DACH2: variants seen among roughly 807,000 people sequenced by gnomAD.
DACH2 encodes dachshund homolog 2.
DACH2 carries 17 observed loss-of-function variants against 35.8 expected under a neutral mutation model. The ratio of observed to expected loss-of-function variants is 0.48; its 90% CI spans 0.33 to 0.71. The LOEUF (loss-of-function observed/expected upper bound fraction) is 0.71, where lower values mean the gene tolerates loss of function less well. Ranked by LOEUF, DACH2 falls within the 30% of genes least tolerant of loss-of-function variation. DACH2 has a pLI of 0.02. For synonymous variants in DACH2, 195 were observed against 177.3 expected (o/e 1.10, Z -0.79); for missense variants, 469 against 472.7 (o/e 0.99, Z 0.07).
intron 6 of DACH2, among the ~76,000 whole-genome samples, chrX:86,726,597 T>C: frequency 8.9e-6 from 1 of 111,742 alleles, no homozygotes; most frequent in East Asian, 2.9e-4. Flanking sequence ...AGATCCTTGG[T>C]ATCTAGGCTC....
intron 2 of DACH2, among the ~76,000 whole-genome samples, chrX:86,400,947 C>G (rs1366313631): frequency 2.7e-5 from 3 of 112,453 alleles, no homozygotes; most frequent in Non-Finnish European, 5.6e-5. Flanking sequence ...TTATTACTGT[C>G]TTTTGTTTGT....
chrX:86,719,219 TTC>T (rs1215311054), intron 6 of DACH2, among the ~76,000 whole-genome samples: 2 of 112,411 alleles, frequency 1.8e-5, no homozygotes, highest in Non-Finnish European at 3.8e-5. Context: ...TAGTTTATTT[TTC>T]ACTAGCTGTT....
At chrX:86,759,479 T>A (rs1339705600) in intron 7 of DACH2, among the ~76,000 whole-genome samples, 1 of 111,452 alleles carries the variant, frequency 9.0e-6, no homozygotes, top group African/African-American at 3.3e-5. Context: ...AATATCTTTT[T>A]CCATCACTTT....
At chrX:86,329,651 G>A (rs1005884576) in intron 1 of DACH2, among the ~76,000 whole-genome samples, 1 of 111,488 alleles carries the variant, frequency 9.0e-6, no homozygotes, top group African/African-American at 3.3e-5. Flanking sequence ...TAGGGGTTGT[G>A]TAAGTCTGTG....
intron 3 of DACH2, among the ~76,000 whole-genome samples, chrX:86,594,721 A>G (rs1033015362): frequency 9.0e-6 from 1 of 111,692 alleles, no homozygotes. Context: ...TAAATAATCC[A>G]TGTAAGTTTA....
chrX:86,506,707 T>G (rs1424564205), intron 2 of DACH2, among the ~76,000 whole-genome samples: 1 of 111,938 alleles, frequency 8.9e-6, no homozygotes, highest in African/African-American at 3.2e-5. Context: ...CTCTCCACTT[T>G]TAAAGGGCTT....
At chrX:86,315,228 A>G (rs891709828) in intron 1 of DACH2, among the ~76,000 whole-genome samples, 1 of 112,370 alleles carries the variant, frequency 8.9e-6, no homozygotes, top group African/African-American at 3.2e-5. Flanking sequence ...CAAATGGCAC[A>G]AAACTTGGAC....
intron 2 of DACH2, among the ~76,000 whole-genome samples, chrX:86,455,211 G>T (rs752394494): frequency 9.0e-6 from 1 of 110,963 alleles, no homozygotes; most frequent in Admixed American, 9.6e-5. Context: ...ACTTGTAGGA[G>T]GTGCCTGGAG....
intron 1 of DACH2, among the ~76,000 whole-genome samples, chrX:86,341,477 G>A (rs963017075): frequency 8.9e-6 from 1 of 111,972 alleles, no homozygotes; most frequent in African/African-American, 3.2e-5. Context: ...ATATATTACT[G>A]TTCATTGACA....
At chrX:86,485,930 A>C (rs760075226) in intron 2 of DACH2, among the ~76,000 whole-genome samples, 1 of 111,967 alleles carries the variant, frequency 8.9e-6, no homozygotes, top group Non-Finnish European at 1.9e-5. Context: ...CATAGTTCTT[A>C]AATGCCAGCT....
At chrX:86,153,300 A>G (rs1407363863) in intron 1 of DACH2, among the ~76,000 whole-genome samples, 2 of 111,781 alleles carry the variant, frequency 1.8e-5, no homozygotes, top group Non-Finnish European at 3.8e-5. Context: ...TTTTGATAGT[A>G]TATAAACAGA....
intron 2 of DACH2, among the ~76,000 whole-genome samples, chrX:86,485,587 A>T (rs947254993): frequency 4.5e-5 from 5 of 111,853 alleles, no homozygotes; most frequent in Non-Finnish European, 9.4e-5. Context: ...TGATCATTAC[A>T]CTATGTATAC....
At chrX:86,384,110 T>C (rs750428388) in intron 2 of DACH2, among the ~76,000 whole-genome samples, 16 of 110,702 alleles carry the variant, frequency 1.4e-4, no homozygotes, top group Non-Finnish European at 2.7e-4. Flanking sequence ...GAAATATCTA[T>C]AAATCTATAC....
At chrX:86,679,404 A>G (rs1414705211) in intron 4 of DACH2, among the ~76,000 whole-genome samples, 1 of 111,953 alleles carries the variant, frequency 8.9e-6, no homozygotes, top group Admixed American at 9.6e-5. Context: ...TCTGTTCTAC[A>G]AAGTTCTAAA....
intron 1 of DACH2, among the ~76,000 whole-genome samples, chrX:86,299,413 G>T (rs1022856141): frequency 8.9e-6 from 1 of 111,819 alleles, no homozygotes; most frequent in Non-Finnish European, 1.9e-5. Context: ...AATGGATCAT[G>T]TTCAGCTTAG....
At chrX:86,564,049 G>A (rs2039262641) in intron 3 of DACH2, among the ~76,000 whole-genome samples, 1 of 110,461 alleles carries the variant, frequency 9.1e-6, no homozygotes, top group Non-Finnish European at 1.9e-5. Context: ...TGACATTCAA[G>A]AGCAGCCAAT....
chrX:86,484,170 G>T (rs760562772), intron 2 of DACH2, among the ~76,000 whole-genome samples: 2 of 111,554 alleles, frequency 1.8e-5, no homozygotes, highest in South Asian at 3.8e-4. Context: ...TACTATGAGT[G>T]GGAGAAGGGC....
intron 1 of DACH2, among the ~76,000 whole-genome samples, chrX:86,297,045 A>G (rs6617215): frequency 4.5e-3 from 106 of 23,512 alleles, no homozygotes; most frequent in African/African-American, 7.2e-3. Flanking sequence ...ATAATTGTGT[A>G]TATATATATA....
At chrX:86,556,824 AGAG>A (rs749185329) in intron 3 of DACH2, among the ~76,000 whole-genome samples, 11 of 92,305 alleles carry the variant, frequency 1.2e-4, no homozygotes, top group African/African-American at 4.2e-4. Flanking sequence ...AGAGAGAGAG[AGAG>A]AGAAGAAGAA....
Sources: allele counts gnomAD v4.1 joint callset (sites outside exome capture counted in the v4.1 genomes callset), GRCh38; gene constraint gnomAD v4.1.1; transcripts MANE v1.5; gene names NCBI Gene and HGNC (gene_info 2026-07-23, HGNC 2026-07-21).